The following FARP2 variants were observed in gnomAD, a reference collection of about 807,000 sequenced individuals.
FARP2 encodes FERM, ARHGEF and pleckstrin domain-containing protein 2.
A neutral mutation model predicts 130.5 loss-of-function variants in FARP2; 111 were observed. That is an observed-to-expected ratio of 0.85 (90% CI 0.73 to 1.00). The LOEUF (loss-of-function observed/expected upper bound fraction) is 1.00. FARP2 is among the 50% of genes least tolerant of loss of function. FARP2 has a pLI of 0.00. For missense variants in FARP2, 1,385 were observed against 1,346.3 expected (o/e 1.03, Z -0.45); for synonymous variants, 504 against 516.9 (o/e 0.98, Z 0.34).
At chr2:241,466,143 G>A in intron 17 of FARP2, 1 of 1,069,796 alleles carries the variant, frequency 9.3e-7, no homozygotes, top group African/African-American at 1.6e-5. Context: ...AAATCTGGGT[G>A]TCAGAGGCCA....
chr2:241,366,438 A>G (rs1395319306), intron 1 of FARP2, among the ~76,000 whole-genome samples: 3 of 151,982 alleles, frequency 2.0e-5, no homozygotes, highest in Non-Finnish European at 2.9e-5. Context: ...AAAGGAAATA[A>G]TACATCCGTT....
intron 6 of FARP2, among the ~76,000 whole-genome samples, chr2:241,413,043 A>G (rs1045837684): frequency 1.3e-5 from 2 of 152,218 alleles, no homozygotes; most frequent in Admixed American, 6.5e-5. Context: ...AATAATAAAC[A>G]CATTAAACTC....
At chr2:241,454,271 C>T (rs2063773708) in intron 13 of FARP2, among the ~76,000 whole-genome samples, 1 of 152,090 alleles carries the variant, frequency 6.6e-6, no homozygotes, top group Non-Finnish European at 1.5e-5. Flanking sequence ...CAACTAGTGG[C>T]TTGCTGTTGG....
chr2:241,410,206 C>T (rs2062478089), intron 5 of FARP2, among the ~76,000 whole-genome samples: 1 of 152,194 alleles, frequency 6.6e-6, no homozygotes, highest in South Asian at 2.1e-4. Context: ...GCCTGTTTCT[C>T]AGATCCTAGC....
At position 241,465,649 on chromosome 2, in the gene FARP2, T is replaced by C. The variant is rs1261013184; in HGVS notation, c.1893+1669T>C. On this transcript the variant is annotated intron_variant, in intron 17 of 26. Coordinates refer to ENST00000264042, the MANE Select transcript of FARP2 (RefSeq NM_014808.4). ...GGGTCTCACTCTTGCTTAACGTGCC[T>C]GGAACAGTTCTCCCTCCCTCTCAGG... is the stretch of plus-strand genomic sequence containing the variant. The C allele has an allele frequency of 7.7e-6, 12 of 1,550,740 alleles. No individual in the cohort carries two copies. In the Admixed American group the frequency reaches 2.0e-4, roughly 25 times the overall value.
chr2:241,424,878 G>T (rs1396810093), intron 8 of FARP2, among the ~76,000 whole-genome samples: 2 of 151,932 alleles, frequency 1.3e-5, no homozygotes, highest in African/African-American at 4.8e-5. Context: ...GGACACATAC[G>T]CTCTCCCAAG....
chr2:241,463,513 C>T (rs2064083280), intron 16 of FARP2, 45 bp downstream of exon 16: 2 of 1,589,212 alleles, frequency 1.3e-6, no homozygotes, highest in African/African-American at 1.3e-5. Flanking sequence ...CACACCAACT[C>T]ATCATCACCG....
At chr2:241,444,968 C>T (rs988680720) in intron 13 of FARP2, 1 of 152,146 alleles carries the variant, frequency 6.6e-6, no homozygotes, top group Admixed American at 6.5e-5. Flanking sequence ...TCACTCCTGT[C>T]ACCCAGGCTG....
chr2:241,400,601 G>A (rs1574739972), intron 2 of FARP2, among the ~76,000 whole-genome samples: 1 of 152,242 alleles, frequency 6.6e-6, no homozygotes, highest in Non-Finnish European at 1.5e-5. Context: ...GAGACTGATA[G>A]AAGGGAAGTG....
chr2:241,472,211 G>C (rs1364028044), intron 18 of FARP2, among the ~76,000 whole-genome samples: 2 of 151,366 alleles, frequency 1.3e-5, no homozygotes, highest in Non-Finnish European at 3.0e-5. Flanking sequence ...TGGGAACCCT[G>C]TTCTGAGGGG....
chr2:241,404,077 C>T, intron 3 of FARP2, 145 bp downstream of exon 3: 1 of 588,962 alleles, frequency 1.7e-6, no homozygotes, highest in Non-Finnish European at 3.0e-6. Context: ...AATATGTCTG[C>T]CTTTAATCCA....
intron 20 of FARP2, 30 bp downstream of exon 20, chr2:241,483,563 TC>T (rs778330035): frequency 2.5e-6 from 4 of 1,602,632 alleles, no homozygotes; most frequent in African/African-American, 1.3e-5. Flanking sequence ...AAGCTGTGCT[TC>T]CCCCCGAGGG....
rs34033002 is a variant in FARP2, at chr2:241,425,741, CTTTTTTTT to C, written c.772-5925_772-5918del. ...GAGCTGGTACAATTTCTCTCTCTCT[CTTTTTTTT>C]TTTTTTTTTTTTGAGACAGAGTTTC... On this transcript the variant is annotated intron_variant, in intron 8 of 26. Coordinates refer to ENST00000264042, the MANE Select transcript of FARP2 (RefSeq NM_014808.4). 9.0e-5 allele frequency among the ~76,000 whole-genome samples: 10 copies of C among 111,220 alleles called. No homozygotes were observed. In the South Asian group the frequency reaches 1.2e-3, roughly 14 times the overall value. 73.0% of individuals were successfully genotyped at this position (111,220 alleles called of 152,430 possible).
chr2:241,411,168 C>A (rs2062508219), intron 6 of FARP2, 38 bp downstream of exon 6: 1 of 1,419,738 alleles, frequency 7.0e-7, no homozygotes. Flanking sequence ...ATTCACTGAC[C>A]ATGGCACAGA....
chr2:241,471,048 G>A (rs1473134784), intron 18 of FARP2, among the ~76,000 whole-genome samples: 3 of 151,338 alleles, frequency 2.0e-5, no homozygotes. Context: ...GGGGGAACAT[G>A]TTCTGAGGAG....
rs2064695965 is a variant in FARP2 at position 241,484,173 on chromosome 2, T to TC, written c.2332-67dup. 4 of 1,602,038 alleles carry TC rather than the reference T, an allele frequency of 2.5e-6. No homozygotes were observed. In the South Asian group the frequency reaches 4.5e-5, roughly 18 times the overall value. ...ATGTCCACATGATGAGCAGCCAGAG[T>TC]CCAAGTTGGTCTGACTATTAAGACA... On this transcript the variant is annotated intron_variant, in intron 20 of 26. Transcript: ENST00000264042.
intron 21 of FARP2, among the ~76,000 whole-genome samples, chr2:241,487,865 A>G (rs940987623): frequency 2.1e-5 from 3 of 141,430 alleles, no homozygotes; most frequent in African/African-American, 7.9e-5. Context: ...CTCCTACCTC[A>G]GCTTCCTGAG....
intron 8 of FARP2, among the ~76,000 whole-genome samples, chr2:241,423,075 G>A (rs1362059414): frequency 2.0e-5 from 3 of 152,114 alleles, no homozygotes; most frequent in Non-Finnish European, 2.9e-5. Context: ...CCAACCTAAC[G>A]AGACAGGCTA....
chr2:241,385,348 G>T (rs4675963), intron 2 of FARP2, among the ~76,000 whole-genome samples: 1 of 151,930 alleles, frequency 6.6e-6, no homozygotes, highest in Admixed American at 6.6e-5. Context: ...GTTGTATATT[G>T]TATGTTTTCT....
Sources: allele counts gnomAD v4.1 joint callset (sites outside exome capture counted in the v4.1 genomes callset), GRCh38; gene constraint gnomAD v4.1.1; transcripts MANE v1.5; gene names NCBI Gene and HGNC (gene_info 2026-07-23, HGNC 2026-07-21).